Variants in CCDC63 observed in about 807,000 individuals in gnomAD.
CCDC63 encodes coiled-coil domain containing 63.
A neutral mutation model predicts 63.6 loss-of-function variants in CCDC63; 54 were observed. The ratio of observed to expected loss-of-function variants is 0.85; its 90% CI spans 0.68 to 1.07. The LOEUF (loss-of-function observed/expected upper bound fraction) is 1.07, where lower values mean the gene tolerates loss of function less well. Among genes scored for constraint, CCDC63 ranks in the 50% least tolerant of loss-of-function variants. The pLI is 0.00. For synonymous variants in CCDC63, 253 were observed against 266.1 expected (o/e 0.95, Z 0.48); for missense variants, 637 against 689.6 (o/e 0.92, Z 0.86).
At chr12:110,864,970 AGACT>A (rs1290460526) in intron 4 of CCDC63, among the ~76,000 whole-genome samples, 1 of 152,228 alleles carries the variant, frequency 6.6e-6, no homozygotes, top group Admixed American at 6.5e-5. Context: ...CACCACACCC[AGACT>A]GACACTACCT....
upstream of CCDC63, among the ~76,000 whole-genome samples, chr12:110,846,612 G>C (rs894546646): frequency 6.6e-6 from 1 of 152,030 alleles, no homozygotes; most frequent in African/African-American, 2.4e-5. Context: ...AGCTGCGTGT[G>C]AAGTCTGTAC....
chr12:110,883,138 A>G (rs551228261), intron 7 of CCDC63, among the ~76,000 whole-genome samples: 83 of 151,892 alleles, frequency 5.5e-4, no homozygotes, highest in African/African-American at 2.0e-3. Context: ...CCTGGGTTCA[A>G]GTGATTCTCC....
chr12:110,884,601 C>G lies in CCDC63; in HGVS notation c.1074+351C>G, dbSNP rs184736169. ...TGCCATGCAAGGCTGGTCTCGAACT[C>G]CTGACCTCAAGCAATCCTCCCACCT... On this transcript the variant is annotated intron_variant, in intron 8 of 11. Coordinates refer to ENST00000308208, the MANE Select transcript of CCDC63 (RefSeq NM_152591.3). Among the ~76,000 whole-genome samples the G allele has an allele frequency of 5.2e-3, 793 of 152,242 alleles. 2 individuals carry two copies. The highest frequency in any genetic ancestry group is 7.9e-3 in the Non-Finnish European group (540 of 68,014).
rs556828544 is a variant in CCDC63, at chr12:110,884,092, G to T, written c.916G>T (p.Ala306Ser). 8 of 1,614,146 alleles carry T rather than the reference G, an allele frequency of 5.0e-6. No individual in the cohort carries two copies. The South Asian group carries it at 7.7e-5, about 16-fold the overall frequency. The change falls in exon 8 of 12, where the codon GCC becomes TCC. Residue 306 changes from alanine to serine, a missense_variant. By Grantham distance (99) the Ala-to-Ser change is moderately conservative. Transcript: ENST00000308208. ...AGAGAGTTTTGAGAGCTATGAGGTGGCCCACCTCCGGCTGCTGAAGCTGGC... is the reference window on the plus strand; with the variant it reads ...AGAGAGTTTTGAGAGCTATGAGGTGTCCCACCTCCGGCTGCTGAAGCTGGC... The part of the protein sequence containing the change: ...RGESFESYEV[A>S]HLRLLKLAES...
At chr12:110,854,608 C>T (rs2070748994) in intron 3 of CCDC63, among the ~76,000 whole-genome samples, 1 of 151,648 alleles carries the variant, frequency 6.6e-6, no homozygotes. Context: ...TGTATCATTT[C>T]TTCAGGCAAC....
Position 110,886,395 on chromosome 12 carries a change from C to CA in CCDC63, c.1074+2154dup, listed in dbSNP as rs1286293767. Among the ~76,000 whole-genome samples the CA allele has an allele frequency of 5.7e-3, 845 of 148,850 alleles. 4 individuals carry two copies. Among genetic ancestry groups the CA allele is most frequent in the African/African-American group, 0.018 (737 of 40,220 alleles). ...AGGGAGACTTCGTCTCAAAAAAAACCAAAAAAAAACCCACCCCAAAAAACC... is the reference window on the plus strand; with the variant it reads ...AGGGAGACTTCGTCTCAAAAAAAACCAAAAAAAAAACCCACCCCAAAAAACC... On this transcript the variant is annotated intron_variant, in intron 8 of 11. Coordinates refer to ENST00000308208, the MANE Select transcript of CCDC63 (RefSeq NM_152591.3).
In CCDC63 at chr12:110,857,284, C is replaced by CG. The variant is rs1053410847; in HGVS notation, c.180-1302_180-1301insG. On this transcript the variant is annotated intron_variant, in intron 3 of 11. Transcript: ENST00000308208. ...AGGATTACAGGCGCCCACCACCCCC[C>CG]CCGGCTAATTTTTTGTATTTTTACT... is the stretch of plus-strand genomic sequence containing the variant. Among the ~76,000 whole-genome samples the CG allele has an allele frequency of 3.3e-5, 5 of 151,824 alleles. 1 individual carries two copies. Among genetic ancestry groups the CG allele is most frequent in the African/African-American group, 1.2e-4 (5 of 41,334 alleles).
intron 5 of CCDC63, 143 bp downstream of exon 5, chr12:110,874,104 C>A: frequency 8.8e-7 from 1 of 1,136,222 alleles, no homozygotes; most frequent in South Asian, 1.8e-5. Context: ...CCACACAGGC[C>A]AGGAAGCCTT....
chr12:110,907,057 G>C lies in CCDC63; in HGVS notation c.1547-274G>C, dbSNP rs1270404508. Among the ~76,000 whole-genome samples the C allele has an allele frequency of 6.6e-6, 1 of 152,204 alleles. No individual in the cohort carries two copies. The highest frequency in any genetic ancestry group is 1.5e-5 in the Non-Finnish European group (1 of 68,034). On this transcript the variant is annotated intron_variant, in intron 11 of 11. Coordinates refer to ENST00000308208, the MANE Select transcript of CCDC63 (RefSeq NM_152591.3). This position sits in a 1 kb window ranked among gnomAD's most constrained non-coding sequence, Gnocchi z 4.4. ...CCCATCCATCTACCGCTCTCCTCAG[G>C]TGTCTTTGTGCAGTGCACATCCTGA...
chr12:110,893,854 A>C (rs2071386369), intron 9 of CCDC63, among the ~76,000 whole-genome samples: 1 of 152,066 alleles, frequency 6.6e-6, no homozygotes, highest in Non-Finnish European at 1.5e-5. Flanking sequence ...AAAATTAGCC[A>C]GGTGGTAGTG....
intron 1 of CCDC63, among the ~76,000 whole-genome samples, chr12:110,849,783 G>A (rs779925056): frequency 1.3e-5 from 2 of 152,120 alleles, no homozygotes; most frequent in Non-Finnish European, 2.9e-5. Context: ...ACAGGCATGA[G>A]CCACTGCGCC....
intron 4 of CCDC63, among the ~76,000 whole-genome samples, chr12:110,872,397 A>G (rs2071078934): frequency 6.6e-6 from 1 of 152,214 alleles, no homozygotes; most frequent in African/African-American, 2.4e-5. Flanking sequence ...GCCAAGCATT[A>G]CACATACTGC....
At chr12:110,898,230 C>T (rs764422291) in intron 9 of CCDC63, among the ~76,000 whole-genome samples, 2 of 150,624 alleles carry the variant, frequency 1.3e-5, no homozygotes, top group African/African-American at 2.4e-5. Context: ...TGCAGTGAGC[C>T]GAGATTGGGC....
chr12:110,857,026 A>G (rs796196534), intron 3 of CCDC63, among the ~76,000 whole-genome samples: 6 of 152,058 alleles, frequency 3.9e-5, no homozygotes, highest in African/African-American at 1.4e-4. Flanking sequence ...GCTGGTCGCA[A>G]ACTCCTGAGT....
intron 8 of CCDC63, among the ~76,000 whole-genome samples, chr12:110,885,338 T>C (rs1033991500): frequency 7.2e-5 from 11 of 152,152 alleles, no homozygotes; most frequent in African/African-American, 2.7e-4. Flanking sequence ...CCCTGACAAG[T>C]CCTGCAGTAA....
intron 4 of CCDC63, among the ~76,000 whole-genome samples, chr12:110,864,362 A>C (rs2070907559): frequency 6.6e-6 from 1 of 151,800 alleles, no homozygotes; most frequent in East Asian, 1.9e-4. Flanking sequence ...AGGCTGAAGC[A>C]GGAAGATCTT....
At chr12:110,869,836 C>T (rs1009870793) in intron 4 of CCDC63, among the ~76,000 whole-genome samples, 5 of 152,162 alleles carry the variant, frequency 3.3e-5, no homozygotes, top group African/African-American at 1.2e-4. Flanking sequence ...ATGCTTTTGG[C>T]TGCAAGTAAC....
chr12:110,870,015 C>T (rs189208659), intron 4 of CCDC63, among the ~76,000 whole-genome samples: 244 of 152,238 alleles, frequency 1.6e-3, no homozygotes, highest in Non-Finnish European at 2.7e-3. Context: ...TGTACATTAC[C>T]GTGGGACATT....
chr12:110,903,222 A>T (rs11065758), intron 10 of CCDC63, among the ~76,000 whole-genome samples: 3 of 151,620 alleles, frequency 2.0e-5, no homozygotes, highest in Non-Finnish European at 4.4e-5. Flanking sequence ...TGTTGGCCAG[A>T]CTGGTCTTGA....
Sources: allele counts gnomAD v4.1 joint callset (sites outside exome capture counted in the v4.1 genomes callset), GRCh38; gene constraint gnomAD v4.1.1; non-coding constraint Gnocchi (gnomAD v3.1); transcripts MANE v1.5; gene names NCBI Gene and HGNC (gene_info 2026-07-23, HGNC 2026-07-21).